The following TRPC3 variants were observed in gnomAD, a reference collection of about 807,000 sequenced individuals.
TRPC3 encodes short transient receptor potential channel 3.
Under a neutral mutation model 90.9 loss-of-function variants are expected in TRPC3, and 54 were observed. The ratio of observed to expected loss-of-function variants is 0.59; its 90% confidence interval spans 0.48 to 0.75. The LOEUF (loss-of-function observed/expected upper bound fraction) is 0.75, where lower values mean the gene tolerates loss of function less well. Ranked by LOEUF, TRPC3 falls within the 30% of genes least tolerant of loss-of-function variation. TRPC3 has a pLI of 0.00. For missense variants in TRPC3, 918 were observed against 1,194.5 expected, an observed-to-expected ratio of 0.77 and a Z score of 3.41; for synonymous variants, 424 against 450.9, an observed-to-expected ratio of 0.94 and a Z score of 0.75.
intron 3 of TRPC3, among the ~76,000 whole-genome samples, chr4:121,924,097 C>T (rs1729620105): frequency 1.3e-5 from 2 of 152,296 alleles, no homozygotes; most frequent in South Asian, 4.1e-4. Flanking sequence ...CTGGCACCTG[C>T]ATGACCAACT....
chr4:121,930,343 T>C (rs1729861581), intron 2 of TRPC3, among the ~76,000 whole-genome samples: 1 of 152,198 alleles, frequency 6.6e-6, no homozygotes, highest in Non-Finnish European at 1.5e-5. Context: ...GGCAGCTTTA[T>C]GGATGTTCTC....
chr4:121,947,492 G>A (rs916741017), intron 1 of TRPC3, among the ~76,000 whole-genome samples: 1 of 152,092 alleles, frequency 6.6e-6, no homozygotes, highest in African/African-American at 2.4e-5. Flanking sequence ...CATACAAAGT[G>A]TTTTAGGTAA....
chr4:121,945,435 A>C (rs1730449540), intron 1 of TRPC3, among the ~76,000 whole-genome samples: 1 of 152,208 alleles, frequency 6.6e-6, no homozygotes, highest in African/African-American at 2.4e-5. Context: ...CCAAGCTACA[A>C]TATATAACGG....
intron 2 of TRPC3, among the ~76,000 whole-genome samples, chr4:121,925,919 G>A (rs893055651): frequency 1.3e-5 from 2 of 152,086 alleles, no homozygotes; most frequent in Non-Finnish European, 2.9e-5. Flanking sequence ...ACAAACAATA[G>A]TTCTTGTAAA....
chr4:121,921,296 G>A (rs1009094815), intron 3 of TRPC3, among the ~76,000 whole-genome samples: 4 of 151,960 alleles, frequency 2.6e-5, no homozygotes, highest in Non-Finnish European at 4.4e-5. Context: ...GCCGAGGCGG[G>A]CGGATCACGA....
chr4:121,888,589 G>A (rs1196707214), intron 10 of TRPC3, among the ~76,000 whole-genome samples: 1 of 150,758 alleles, frequency 6.6e-6, no homozygotes, highest in Non-Finnish European at 1.5e-5. Context: ...TAGAGACAGG[G>A]TTTCACCATG....
rs1352191221 is a variant in TRPC3, at chr4:121,876,474, CCA to C, written c.*3260_*3261del. On this transcript the variant is annotated 3_prime_UTR_variant, in exon 12 of 12. Coordinates refer to ENST00000379645, the MANE Select transcript of TRPC3 (RefSeq NM_001130698.2). Reference sequence around the variant, plus strand: ...GAGAAGTTAAATGGTTTGTCCCATACCACAGTCATTAGTGTGGCTTCAGTTCT... The same window carrying C: ...GAGAAGTTAAATGGTTTGTCCCATACCAGTCATTAGTGTGGCTTCAGTTCT... 6.6e-6 allele frequency among the ~76,000 whole-genome samples: 1 copy of C among 152,162 alleles called. No individual in the cohort carries two copies. Among genetic ancestry groups the C allele is most frequent in the Non-Finnish European group, 1.5e-5 (1 of 68,030 alleles).
chr4:121,898,953 CAA>C (rs1483603362), intron 10 of TRPC3, among the ~76,000 whole-genome samples: 4 of 151,970 alleles, frequency 2.6e-5, no homozygotes, highest in African/African-American at 9.7e-5. Context: ...AAAAATAGAA[CAA>C]TACGCAGTAA....
At chr4:121,930,114 G>A (rs1309062938) in intron 2 of TRPC3, among the ~76,000 whole-genome samples, 1 of 152,076 alleles carries the variant, frequency 6.6e-6, no homozygotes, top group Non-Finnish European at 1.5e-5. Flanking sequence ...TGAAAGAAAG[G>A]CAGATAAGAA....
chr4:121,895,675 C>A (rs917654808), intron 10 of TRPC3, among the ~76,000 whole-genome samples: 2 of 151,884 alleles, frequency 1.3e-5, no homozygotes, highest in Non-Finnish European at 1.5e-5. Context: ...AAACAGGTAA[C>A]AAGATTAAAT....
In TRPC3 at chr4:121,933,296, T is replaced by C. The variant is rs918678154; in HGVS notation, c.216-254A>G. On this transcript the variant is annotated intron_variant, in intron 1 of 11. Coordinates refer to ENST00000379645, the MANE Select transcript of TRPC3 (RefSeq NM_001130698.2). The stretch of plus-strand genomic sequence containing the variant: ...GCTCCTATTCTCTAGAAAATGATAT[T>C]CAGATGGAATAATAATAAAAATTTC... 3.1e-5 allele frequency: 17 copies of C among 557,126 alleles called. No individual in the cohort carries two copies. In the African/African-American group the frequency reaches 3.1e-4, roughly 10 times the overall value. 34.5% of individuals were successfully genotyped at this position (557,126 alleles called of 1,614,324 possible).
chr4:121,949,967 T>C (rs1217621124), intron 1 of TRPC3, among the ~76,000 whole-genome samples: 1 of 152,074 alleles, frequency 6.6e-6, no homozygotes, highest in African/African-American at 2.4e-5. Context: ...AGAAGAATTT[T>C]AAAAGGAATA....
At chr4:121,945,706 T>G (rs1461487841) in intron 1 of TRPC3, among the ~76,000 whole-genome samples, 1 of 152,192 alleles carries the variant, frequency 6.6e-6, no homozygotes, top group Non-Finnish European at 1.5e-5. Flanking sequence ...ACAACCCTCC[T>G]GCACCCCTAT....
intron 5 of TRPC3, among the ~76,000 whole-genome samples, chr4:121,911,178 C>T (rs977351292): frequency 1.3e-5 from 2 of 152,138 alleles, no homozygotes; most frequent in African/African-American, 4.8e-5. Context: ...GAAGAACTAA[C>T]CTACTAACTC....
chr4:121,892,847 C>T (rs986316225), intron 10 of TRPC3, among the ~76,000 whole-genome samples: 3 of 151,950 alleles, frequency 2.0e-5, no homozygotes, highest in African/African-American at 7.2e-5. Context: ...AGGTTGGGTG[C>T]TGGTGGCTCA....
intron 1 of TRPC3, among the ~76,000 whole-genome samples, chr4:121,949,568 A>G (rs1560723475): frequency 6.6e-6 from 1 of 152,236 alleles, no homozygotes; most frequent in Non-Finnish European, 1.5e-5. Context: ...CAAAGGTGGA[A>G]TAAACAGCTA....
chr4:121,911,711 TTATC>T (rs996206421), intron 5 of TRPC3, among the ~76,000 whole-genome samples, 162 bp downstream of exon 5: 1 of 152,232 alleles, frequency 6.6e-6, no homozygotes, highest in Non-Finnish European at 1.5e-5. Flanking sequence ...CCTTTTGGCA[TTATC>T]TAGCTAGAAA....
chr4:121,903,027 G>A lies in TRPC3; in HGVS notation c.2288C>T (p.Ser763Leu). ...ATCAAAATAGGATAACCAAAGTTTT[G>A]AACGAGCAAACTTCCATTCTACATC... ...DSDVEWKFARSKLWLSYFDDG... is the reference protein window; with the variant it reads ...DSDVEWKFARLKLWLSYFDDG... Residue 763 changes from serine (S) to leucine (L), a missense_variant, in exon 9 of 12, where the codon TCA becomes TTA. Coordinates refer to ENST00000379645, the MANE Select transcript of TRPC3 (RefSeq NM_001130698.2). The A allele has an allele frequency of 6.2e-7, 1 of 1,612,886 alleles. No individual in the cohort carries two copies. Among genetic ancestry groups the A allele is most frequent in the East Asian group, 2.2e-5 (1 of 44,772 alleles).
chr4:121,882,234 A>G (rs2149103589), intron 11 of TRPC3, 120 bp downstream of exon 11: 3 of 764,974 alleles, frequency 3.9e-6, no homozygotes, highest in Non-Finnish European at 6.2e-6. Context: ...TCCTCCTCCC[A>G]TCTTAGAGGC....
Sources: gnomAD v4.1 joint callset for allele counts (sites outside exome capture counted in the v4.1 genomes callset) on GRCh38, gnomAD v4.1.1 for gene constraint, MANE v1.5 for transcripts, NCBI Gene and HGNC (gene_info 2026-07-23, HGNC 2026-07-21) for gene names.